GPHN: variants seen among roughly 807,000 people sequenced by gnomAD.
The protein encoded by GPHN is gephyrin.
Under a neutral mutation model 95.5 loss-of-function variants are expected in GPHN, and 17 were observed. The observed-to-expected ratio is 0.18, with a 90% CI of 0.12 to 0.27. GPHN has a LOEUF of 0.27. GPHN is among the 10% of genes least tolerant of loss of function. The pLI is 1.00. For synonymous variants in GPHN, 320 were observed against 322.5 expected (o/e 0.99, Z 0.08); for missense variants, 660 against 978.1 (o/e 0.67, Z 4.34).
the GPHN span, among the ~76,000 whole-genome samples, chr14:67,206,420 C>A: frequency 6.6e-6 from 1 of 151,970 alleles, no homozygotes; most frequent in Non-Finnish European, 1.5e-5. Flanking sequence ...TGTTTGAAAC[C>A]GGGAGGTGGA....
chr14:66,546,830 G>A (rs1434621605), intron 1 of GPHN, among the ~76,000 whole-genome samples: 1 of 151,758 alleles, frequency 6.6e-6, no homozygotes, highest in African/African-American at 2.4e-5. Context: ...AGAGGGCCGC[G>A]TGTAACCTTT....
chr14:67,138,895 T>C (rs939019809), intron 17 of GPHN, among the ~76,000 whole-genome samples: 89 of 142,240 alleles, frequency 6.3e-4, no homozygotes, highest in African/African-American at 2.2e-3. Context: ...TCCTTTTTTT[T>C]TTTTTTTTTT....
At chr14:66,987,742 TAAA>T (rs2071123398) in intron 9 of GPHN, among the ~76,000 whole-genome samples, 1 of 152,050 alleles carries the variant, frequency 6.6e-6, no homozygotes, top group African/African-American at 2.4e-5. Context: ...TTAATCAAAA[TAAA>T]ATGTTGACTT....
chr14:67,609,604 T>A, the GPHN span, among the ~76,000 whole-genome samples: 1 of 152,120 alleles, frequency 6.6e-6, no homozygotes, highest in Non-Finnish European at 1.5e-5. Flanking sequence ...ACATGGTTGC[T>A]TCTCCTGGCC....
the GPHN span, among the ~76,000 whole-genome samples, chr14:67,533,981 A>C: frequency 1.3e-5 from 2 of 151,930 alleles, no homozygotes; most frequent in African/African-American, 4.8e-5. Flanking sequence ...TCTGGAAGGA[A>C]ACTCCTCTCC....
chr14:67,486,575 T>A, the GPHN span, among the ~76,000 whole-genome samples: 1 of 152,166 alleles, frequency 6.6e-6, no homozygotes, highest in South Asian at 2.1e-4. Flanking sequence ...GCCCGGCTGA[T>A]CTGATGGTTT....
At chr14:67,472,562 C>G in the GPHN span, 1 of 152,442 alleles carries the variant, frequency 6.6e-6, no homozygotes, top group Non-Finnish European at 1.5e-5. Flanking sequence ...CCCCAGGCAT[C>G]AGGCCAGCCG....
intron 12 of GPHN, among the ~76,000 whole-genome samples, chr14:67,094,700 C>T (rs1191080273): frequency 1.3e-5 from 2 of 152,090 alleles, no homozygotes; most frequent in Admixed American, 6.6e-5. Flanking sequence ...ATAAATATAG[C>T]CATGCACCAC....
chr14:67,017,417 G>C (rs1203879873), intron 9 of GPHN, among the ~76,000 whole-genome samples: 1 of 152,096 alleles, frequency 6.6e-6, no homozygotes, highest in Non-Finnish European at 1.5e-5. Context: ...GTAGGCTAAA[G>C]AGGCAAGTAA....
rs201710928 is a variant in GPHN at position 66,891,143 on chromosome 14, C to CT, written c.389+11121dup. On this transcript the variant is annotated intron_variant, in intron 5 of 22. Transcript: ENST00000478722. ...ATTGGAAAGGAAGAAGTAAACCTAT[C>CT]TTTTTTTTTTTGACATGATTATATA... is the stretch of plus-strand genomic sequence containing the variant. 0.021 allele frequency among the ~76,000 whole-genome samples: 3,110 copies of CT among 146,838 alleles called. 182 individuals carry two copies. The East Asian group carries it at 0.24, about 11-fold the overall frequency.
chr14:67,439,937 C>T, the GPHN span, among the ~76,000 whole-genome samples: 1 of 152,128 alleles, frequency 6.6e-6, no homozygotes, highest in Non-Finnish European at 1.5e-5. Flanking sequence ...TTCCTAGGCT[C>T]AACCTATCCT....
intron 1 of GPHN, among the ~76,000 whole-genome samples, chr14:66,544,677 G>A (rs1478439394): frequency 6.6e-6 from 1 of 151,916 alleles, no homozygotes; most frequent in African/African-American, 2.4e-5. Flanking sequence ...TGGAGGGAAG[G>A]TCAGCAGATA....
At chr14:66,561,409 A>T (rs140515286) in intron 1 of GPHN, among the ~76,000 whole-genome samples, 1 of 152,110 alleles carries the variant, frequency 6.6e-6, no homozygotes, top group South Asian at 2.1e-4. Context: ...TATTGCCACA[A>T]TTTCAGAGCC....
intron 4 of GPHN, among the ~76,000 whole-genome samples, chr14:66,834,971 G>C (rs2061735212): frequency 7.0e-6 from 1 of 142,260 alleles, no homozygotes; most frequent in Non-Finnish European, 1.5e-5. Context: ...ACTTCTTCCT[G>C]GTTTAGTCTT....
the GPHN span, chr14:67,447,051 TA>T: frequency 6.6e-6 from 1 of 152,188 alleles, no homozygotes; most frequent in African/African-American, 2.4e-5. Context: ...TTAGTCTGTT[TA>T]CACTGCTTTA....
At chr14:66,697,623 C>A (rs2068189182) in intron 2 of GPHN, among the ~76,000 whole-genome samples, 1 of 148,926 alleles carries the variant, frequency 6.7e-6, no homozygotes. Flanking sequence ...TAGGGGTTGG[C>A]AAACTATGAT....
At chr14:67,190,535 T>C in the GPHN span, among the ~76,000 whole-genome samples, 1 of 152,244 alleles carries the variant, frequency 6.6e-6, no homozygotes, top group East Asian at 1.9e-4. Context: ...TTTTGAAATT[T>C]TGATTTTTCA....
intron 1 of GPHN, among the ~76,000 whole-genome samples, chr14:66,528,525 T>G (rs553966000): frequency 3.3e-4 from 51 of 152,358 alleles, no homozygotes; most frequent in African/African-American, 1.2e-3. Context: ...CTGGTTATTT[T>G]GACCGTTAGT....
the GPHN span, chr14:67,374,768 T>G: frequency 8.4e-6 from 3 of 355,370 alleles, no homozygotes; most frequent in Non-Finnish European, 1.5e-5. Flanking sequence ...AAATACGGGG[T>G]TTTTTTGTTT....
Sources: allele counts gnomAD v4.1 joint callset (sites outside exome capture counted in the v4.1 genomes callset), GRCh38; gene constraint gnomAD v4.1.1; transcripts MANE v1.5; gene names NCBI Gene and HGNC (gene_info 2026-07-23, HGNC 2026-07-21).